SIPA1L1: variants seen among roughly 807,000 people sequenced by gnomAD.
SIPA1L1 encodes the protein signal induced proliferation associated 1 like 1, also known as signal-induced proliferation-associated 1-like protein 1.
Under a neutral mutation model 162.7 loss-of-function variants are expected in SIPA1L1, and 26 were observed. The observed-to-expected ratio is 0.16, with a 90% CI of 0.12 to 0.22. The LOEUF is 0.22. Among genes scored for constraint, SIPA1L1 ranks in the 10% least tolerant of loss-of-function variants. The pLI is 1.00. For synonymous variants in SIPA1L1, 829 were observed against 837.4 expected (o/e 0.99, Z 0.17); for missense variants, 1,874 against 2,241.0 (o/e 0.84, Z 3.31).
intron 2 of SIPA1L1, among the ~76,000 whole-genome samples, chr14:71,362,689 T>C (rs2037924741): frequency 6.6e-6 from 1 of 152,214 alleles, no homozygotes; most frequent in South Asian, 2.1e-4. Context: ...ATGAATTATT[T>C]CCCCCTTTTC....
At chr14:71,339,326 A>G (rs972473953) in intron 2 of SIPA1L1, among the ~76,000 whole-genome samples, 3 of 149,814 alleles carry the variant, frequency 2.0e-5, no homozygotes, top group Admixed American at 1.3e-4. Flanking sequence ...GCTTAGTACT[A>G]TGTTCTTTAT....
intron 2 of SIPA1L1, among the ~76,000 whole-genome samples, chr14:71,363,061 G>C (rs930679256): frequency 6.6e-6 from 1 of 152,180 alleles, no homozygotes; most frequent in Non-Finnish European, 1.5e-5. Context: ...ATTTAAAATG[G>C]CTTGTAAAAC....
intron 4 of SIPA1L1, among the ~76,000 whole-genome samples, chr14:71,534,326 T>C (rs2053702131): frequency 6.6e-6 from 1 of 152,156 alleles, no homozygotes; most frequent in African/African-American, 2.4e-5. Context: ...TTGACCTTAG[T>C]GGGAATTTAA....
intron 7 of SIPA1L1, among the ~76,000 whole-genome samples, chr14:71,635,746 A>G (rs985577677): frequency 3.9e-5 from 6 of 152,224 alleles, no homozygotes; most frequent in Admixed American, 6.5e-5. Context: ...TTAGTTCATT[A>G]AAAGCAAAAG....
intron 8 of SIPA1L1, among the ~76,000 whole-genome samples, chr14:71,653,423 A>G (rs2042795673): frequency 6.6e-6 from 1 of 152,140 alleles, no homozygotes; most frequent in Non-Finnish European, 1.5e-5. Flanking sequence ...CCCTATTCAG[A>G]TTTCTGAACC....
intron 5 of SIPA1L1, among the ~76,000 whole-genome samples, chr14:71,617,429 G>A (rs1274176329): frequency 3.1e-4 from 47 of 152,322 alleles, no homozygotes; most frequent in Non-Finnish European, 1.2e-4. Flanking sequence ...TGAATTTTGT[G>A]ACATTTAGTG....
At chr14:71,674,355 G>A (rs1476255525) in intron 12 of SIPA1L1, among the ~76,000 whole-genome samples, 1 of 152,132 alleles carries the variant, frequency 6.6e-6, no homozygotes, top group African/African-American at 2.4e-5. Flanking sequence ...TGGATAAGAG[G>A]CCTGATCCTG....
At chr14:71,378,270 C>T (rs923681242) in intron 2 of SIPA1L1, among the ~76,000 whole-genome samples, 2 of 151,694 alleles carry the variant, frequency 1.3e-5, no homozygotes, top group Admixed American at 6.6e-5. Context: ...GTTTAGTTTG[C>T]TCTTTTTCTT....
chr14:71,480,660 G>A (rs2048288736), intron 2 of SIPA1L1, among the ~76,000 whole-genome samples: 1 of 151,994 alleles, frequency 6.6e-6, no homozygotes, highest in African/African-American at 2.4e-5. Context: ...TACTCGGGAT[G>A]CTGAGGCAGG....
At chr14:71,608,607 A>G (rs2037808926) in intron 5 of SIPA1L1, among the ~76,000 whole-genome samples, 1 of 152,190 alleles carries the variant, frequency 6.6e-6, no homozygotes, top group African/African-American at 2.4e-5. Context: ...AAAAAAAAGA[A>G]ATCTTCTGGC....
chr14:71,522,697 CTT>C (rs368872105), intron 3 of SIPA1L1, among the ~76,000 whole-genome samples: 12 of 143,964 alleles, frequency 8.3e-5, no homozygotes, highest in East Asian at 2.0e-4. Context: ...TTCTCTCTCT[CTT>C]TTTTTTTTTT....
intron 5 of SIPA1L1, among the ~76,000 whole-genome samples, chr14:71,590,635 A>G (rs935662511): frequency 2.0e-5 from 3 of 152,176 alleles, no homozygotes; most frequent in Non-Finnish European, 4.4e-5. Flanking sequence ...ACATATCTAT[A>G]GCGTGGGTCT....
Position 71,618,829 on chromosome 14 carries a change from A to C in SIPA1L1, c.1571A>C (p.Asp524Ala). The C allele has an allele frequency of 6.2e-7, 1 of 1,614,088 alleles. No homozygotes were observed. Among genetic ancestry groups the C allele is most frequent in the South Asian group, 1.1e-5 (1 of 91,078 alleles). ...GTGAGCATTCGAAGGGAAAAACCAG[A>C]TGAAATGAAAGAAAATGGATCTCCG... Reference protein sequence around the residue: ...VAVSIRREKPDEMKENGSPYN... With the variant: ...VAVSIRREKPAEMKENGSPYN... The change falls in exon 6 of 24, where the codon GAT becomes GCT. Residue 524 changes from aspartate to alanine, a missense_variant. Physicochemically the swap from Asp to Ala is moderately radical, Grantham distance 126 (BLOSUM62 -2). Transcript: ENST00000381232.
At chr14:71,651,011 A>G (rs1005530857) in intron 8 of SIPA1L1, among the ~76,000 whole-genome samples, 3 of 152,172 alleles carry the variant, frequency 2.0e-5, no homozygotes, top group African/African-American at 4.8e-5. Flanking sequence ...TCTCTGAGAA[A>G]ATAGGCTTTT....
chr14:71,365,965 G>C (rs990679883), intron 2 of SIPA1L1, among the ~76,000 whole-genome samples: 1 of 148,108 alleles, frequency 6.8e-6, no homozygotes, highest in African/African-American at 2.5e-5. Context: ...GGCTCAAGCC[G>C]TCCTCCTGCC....
chr14:71,426,505 C>G (rs77321284), intron 2 of SIPA1L1, among the ~76,000 whole-genome samples: 1 of 139,606 alleles, frequency 7.2e-6, no homozygotes, highest in Admixed American at 7.3e-5. Flanking sequence ...TTTTTTTTCC[C>G]AAAGACAGAG....
chr14:71,589,074 A>C lies in SIPA1L1; in HGVS notation c.1202A>C (p.Asp401Ala). Residue 401 changes from aspartate (D) to alanine (A), a missense_variant, in exon 5 of 24, where the codon GAC becomes GCC. Asp to Ala is a moderately radical substitution (Grantham distance 126, BLOSUM62 -2). Coordinates refer to ENST00000381232, the MANE Select transcript of SIPA1L1 (RefSeq NM_001386936.1). ...DLNSKGSLSMDQGDDKSNELV... is the reference protein window; with the variant it reads ...DLNSKGSLSMAQGDDKSNELV... ...AATTCCAAAGGAAGCCTCAGCATGG[A>C]CCAGGGAGATGATAAAAGCAATGAG... 6.2e-7 allele frequency: 1 copy of C among 1,614,156 alleles called. No homozygotes were observed. Among genetic ancestry groups the C allele is most frequent in the Non-Finnish European group, 8.5e-7 (1 of 1,180,004 alleles).
chr14:71,492,168 T>C (rs1470417720), intron 2 of SIPA1L1, among the ~76,000 whole-genome samples: 5 of 152,084 alleles, frequency 3.3e-5, no homozygotes, highest in Non-Finnish European at 7.4e-5. Context: ...GTAACTCAGT[T>C]TTTCGTGCTA....
intron 15 of SIPA1L1, among the ~76,000 whole-genome samples, chr14:71,704,252 G>A (rs4140799): frequency 0.64 from 98,026 of 152,062 alleles, 32,812 homozygotes; most frequent in East Asian, 0.94. Flanking sequence ...AAAAATAATT[G>A]TTGCATTTTT....
Sources: gnomAD v4.1 joint callset for allele counts (sites outside exome capture counted in the v4.1 genomes callset) on GRCh38, gnomAD v4.1.1 for gene constraint, MANE v1.5 for transcripts, NCBI Gene and HGNC (gene_info 2026-07-23, HGNC 2026-07-21) for gene names.